Variants in CNOT10 observed in about 807,000 individuals in gnomAD.
The protein encoded by CNOT10 is CCR4-NOT transcription complex subunit 10, also known as CCR4-NOT transcription complex, subunit 10.
In CNOT10, 30 loss-of-function variants were observed where a neutral mutation model predicts 94.6. The observed-to-expected ratio is 0.32, with a 90% CI of 0.24 to 0.43. The LOEUF (loss-of-function observed/expected upper bound fraction) is 0.43. Ranked by LOEUF, CNOT10 falls within the 20% of genes least tolerant of loss-of-function variation. CNOT10 has a pLI of 1.00. For synonymous variants in CNOT10, 289 were observed against 301.6 expected (o/e 0.96, Z 0.43); for missense variants, 759 against 877.2 (o/e 0.87, Z 1.70).
intron 1 of CNOT10, among the ~76,000 whole-genome samples, chr3:32,686,097 C>G (rs1422559758): frequency 2.6e-5 from 4 of 152,150 alleles, no homozygotes; most frequent in Non-Finnish European, 4.4e-5. Flanking sequence ...AGTCTGTGCT[C>G]CTAAAATCTT....
chr3:32,749,037 G>A (rs556377946), intron 13 of CNOT10, among the ~76,000 whole-genome samples: 9 of 151,902 alleles, frequency 5.9e-5, no homozygotes, highest in South Asian at 2.1e-4. Context: ...GGCCAGGCTC[G>A]TCTCGAACTC....
intron 9 of CNOT10, among the ~76,000 whole-genome samples, chr3:32,727,275 C>T (rs1698717630): frequency 6.6e-6 from 1 of 151,790 alleles, no homozygotes; most frequent in Non-Finnish European, 1.5e-5. Context: ...TCAAGACCAG[C>T]CTGGGCAACA....
chr3:32,694,328 G>A (rs558959914), intron 1 of CNOT10, among the ~76,000 whole-genome samples: 3 of 151,986 alleles, frequency 2.0e-5, no homozygotes, highest in African/African-American at 4.8e-5. Context: ...ATTCATCACA[G>A]GCCTTTAAAA....
chr3:32,747,948 A>G (rs1699777033), intron 13 of CNOT10, among the ~76,000 whole-genome samples: 3 of 151,530 alleles, frequency 2.0e-5, no homozygotes, highest in South Asian at 2.1e-4. Context: ...CTCCGTCCCA[A>G]CGCTCCCCCC....
chr3:32,740,878 A>G (rs1699433749), intron 13 of CNOT10, among the ~76,000 whole-genome samples: 1 of 151,824 alleles, frequency 6.6e-6, no homozygotes, highest in African/African-American at 2.4e-5. Flanking sequence ...AAAAAAAAAA[A>G]AAATTTGTGT....
intron 5 of CNOT10, among the ~76,000 whole-genome samples, chr3:32,715,189 G>A (rs1393427031): frequency 1.3e-5 from 2 of 152,220 alleles, no homozygotes; most frequent in Non-Finnish European, 2.9e-5. Context: ...AGGATCTCAT[G>A]TCTAGGAAGA....
Position 32,716,289 on chromosome 3 carries a change from C to T in CNOT10, c.638C>T (p.Ala213Val). ...HKAESGALIE[A>V]AKSKIHQYKV... ...GCTGAAAGTGGAGCTCTAATAGAAG[C>T]TGCAAAATCAAAGATACATCAGGTA... The change falls in exon 6 of 19, where the codon GCT becomes GTT. Residue 213 changes from alanine to valine, a missense_variant. Ala to Val is a moderately conservative substitution (Grantham distance 64, BLOSUM62 0). This residue lies in a region of CNOT10 where 682 missense variants were observed against 799.4 expected (regional missense o/e 0.85). Transcript: ENST00000328834. The T allele has an allele frequency of 6.3e-7, 1 of 1,596,584 alleles. No homozygotes were observed. Among genetic ancestry groups the T allele is most frequent in the Non-Finnish European group, 8.6e-7 (1 of 1,168,838 alleles).
chr3:32,692,051 CAAAA>C (rs747328876), intron 1 of CNOT10, among the ~76,000 whole-genome samples: 4 of 66,464 alleles, frequency 6.0e-5, no homozygotes, highest in Non-Finnish European at 9.4e-5. Flanking sequence ...ACCCTGTCAC[CAAAA>C]AAAAAAAAAA....
At chr3:32,706,105 C>G (rs554955873) in intron 3 of CNOT10, among the ~76,000 whole-genome samples, 1 of 152,274 alleles carries the variant, frequency 6.6e-6, no homozygotes, top group African/African-American at 2.4e-5. Flanking sequence ...ACCAGGCCTT[C>G]TGACTCTTGA....
At chr3:32,719,597 G>A (rs1250213959) in intron 7 of CNOT10, among the ~76,000 whole-genome samples, 1 of 152,216 alleles carries the variant, frequency 6.6e-6, no homozygotes, top group Non-Finnish European at 1.5e-5. Flanking sequence ...CTTTGGAACA[G>A]CAAGATTAGT....
chr3:32,696,683 C>T (rs1180588977), intron 1 of CNOT10, among the ~76,000 whole-genome samples: 2 of 152,044 alleles, frequency 1.3e-5, no homozygotes, highest in African/African-American at 4.8e-5. Flanking sequence ...ACTGCAGCCT[C>T]CACTTCCTGG....
At chr3:32,737,049 A>T (rs780751815) in intron 12 of CNOT10, among the ~76,000 whole-genome samples, 1 of 152,156 alleles carries the variant, frequency 6.6e-6, no homozygotes, top group Non-Finnish European at 1.5e-5. Flanking sequence ...GAGGTGAGAC[A>T]CCTCTGTAAA....
chr3:32,711,358 A>C (rs1697883056), intron 4 of CNOT10, among the ~76,000 whole-genome samples: 1 of 152,234 alleles, frequency 6.6e-6, no homozygotes, highest in African/African-American at 2.4e-5. Flanking sequence ...TACCTAATAC[A>C]CTGTAAATGC....
chr3:32,753,682 A>G (rs1700065086), intron 13 of CNOT10: 1 of 1,582,984 alleles, frequency 6.3e-7, no homozygotes, highest in Non-Finnish European at 8.6e-7. Context: ...ATTAGTGGGT[A>G]AAATCAAAGA....
intron 1 of CNOT10, among the ~76,000 whole-genome samples, chr3:32,701,794 T>C (rs967458882): frequency 2.0e-5 from 3 of 151,958 alleles, no homozygotes; most frequent in Non-Finnish European, 4.4e-5. Context: ...TGATAGTTGT[T>C]TTTGTTTGTT....
chr3:32,720,974 CCTTCCCTTCCTTCT>C (rs1363239047), intron 8 of CNOT10, among the ~76,000 whole-genome samples: 17 of 142,840 alleles, frequency 1.2e-4, no homozygotes, highest in South Asian at 2.4e-4. Context: ...TCCCTCCTTT[CCTTCCCTTCCTTCT>C]CTTCCCTTCC....
At chr3:32,742,630 C>T (rs1175453557) in intron 13 of CNOT10, among the ~76,000 whole-genome samples, 1 of 152,194 alleles carries the variant, frequency 6.6e-6, no homozygotes, top group Non-Finnish European at 1.5e-5. Context: ...GATCTGCCCG[C>T]CTCAGCCTCC....
intron 8 of CNOT10, 28 bp downstream of exon 8, chr3:32,720,259 T>A: frequency 8.3e-7 from 1 of 1,200,238 alleles, no homozygotes; most frequent in Non-Finnish European, 1.2e-6. Context: ...AATTTTAACT[T>A]TTTTTTGCCT....
intron 3 of CNOT10, among the ~76,000 whole-genome samples, chr3:32,705,195 C>T (rs534367139): frequency 6.6e-6 from 1 of 151,860 alleles, no homozygotes; most frequent in South Asian, 2.1e-4. Flanking sequence ...ACAGAATAGA[C>T]TAATATACCA....
Sources: gnomAD v4.1 joint callset for allele counts (sites outside exome capture counted in the v4.1 genomes callset) on GRCh38, gnomAD v4.1.1 for gene constraint, gnomAD v4.1.1 regional missense constraint, MANE v1.5 for transcripts, NCBI Gene and HGNC (gene_info 2026-07-23, HGNC 2026-07-21) for gene names.